PCDHGA7: variants seen among roughly 807,000 people sequenced by gnomAD.
PCDHGA7 encodes the protein protocadherin gamma subfamily A, 7.
A neutral mutation model predicts 58.3 loss-of-function variants in PCDHGA7; 44 were observed. The ratio of observed to expected loss-of-function variants is 0.75; its 90% CI spans 0.59 to 0.97. PCDHGA7 has a LOEUF of 0.97. Among genes scored for constraint, PCDHGA7 ranks in the 50% least tolerant of loss-of-function variants. The pLI is 0.00. For missense variants in PCDHGA7, 1,266 were observed against 1,188.7 expected (o/e 1.06, Z -0.96); for synonymous variants, 516 against 504.2 (o/e 1.02, Z -0.31).
At chr5:141,413,956 G>C in intron 1 of PCDHGA7, 11 of 1,613,484 alleles carry the variant, frequency 6.8e-6, no homozygotes, top group Non-Finnish European at 9.3e-6. Context: ...GAATTTGCCT[G>C]TGGGCACTCA....
chr5:141,418,751 A>G (rs2096284782), intron 1 of PCDHGA7: 2 of 1,613,840 alleles, frequency 1.2e-6, no homozygotes, highest in African/African-American at 2.7e-5. Context: ...GGATTACACT[A>G]CAGGAAACAT....
At chr5:141,390,444 G>A in intron 1 of PCDHGA7, 1 of 870,148 alleles carries the variant, frequency 1.1e-6, no homozygotes, top group South Asian at 1.8e-5. Context: ...TTCTACAAAG[G>A]AGGAGTAAAG....
chr5:141,426,630 T>C, intron 1 of PCDHGA7: 1 of 398,080 alleles, frequency 2.5e-6, no homozygotes, highest in South Asian at 1.8e-5. Context: ...TCTAAATGTT[T>C]TTCACATAAA....
intron 1 of PCDHGA7, chr5:141,390,457 G>T: frequency 1.3e-6 from 1 of 767,062 alleles, no homozygotes; most frequent in South Asian, 1.9e-5. Flanking sequence ...GAGTAAAGTA[G>T]GAGCAATTGT....
chr5:141,389,610 G>T (rs1488136363), intron 1 of PCDHGA7: 1 of 1,613,000 alleles, frequency 6.2e-7, no homozygotes, highest in Admixed American at 1.7e-5. Context: ...CTTCGATATG[G>T]TGCCGCACGC....
At chr5:141,455,330 G>T (rs2098819667) in intron 1 of PCDHGA7, among the ~76,000 whole-genome samples, 1 of 152,042 alleles carries the variant, frequency 6.6e-6, no homozygotes, top group South Asian at 2.1e-4. Context: ...GTGTGTTTGT[G>T]GTTTTAAGGA....
chr5:141,507,554 A>C (rs1384910590), intron 3 of PCDHGA7, among the ~76,000 whole-genome samples: 2 of 152,258 alleles, frequency 1.3e-5, no homozygotes, highest in African/African-American at 4.8e-5. Context: ...TGAAAGTGGC[A>C]GGCGGCTGGG....
At chr5:141,410,839 T>G in intron 1 of PCDHGA7, 2 of 481,442 alleles carry the variant, frequency 4.2e-6, no homozygotes, top group Non-Finnish European at 6.8e-6. Context: ...TGAAGATATT[T>G]TGTCTTTGTC....
At chr5:141,481,077 G>A (rs1251064585) in intron 1 of PCDHGA7, among the ~76,000 whole-genome samples, 5 of 151,906 alleles carry the variant, frequency 3.3e-5, no homozygotes, top group Non-Finnish European at 7.4e-5. Context: ...AAGAAAGAAA[G>A]AAAAAAGAAA....
At position 141,403,597 on chromosome 5, in the gene PCDHGA7, G is replaced by T. The variant is rs772486529; in HGVS notation, c.2424+18274G>T. On this transcript the variant is annotated intron_variant, in intron 1 of 3. Transcript: ENST00000518325. ...CCCACCACCTGGTCCTCACGGCCTC[G>T]GATGGCGGCGAGCCGCGTCGCTCCA... The T allele has an allele frequency of 1.3e-5, 21 of 1,613,692 alleles. No individual in the cohort carries two copies. The African/African-American group carries it at 2.5e-4, about 19-fold the overall frequency.
Position 141,489,322 on chromosome 5 carries a change from T to C in PCDHGA7, c.2425-5485T>C. The C allele has an allele frequency of 6.2e-7, 1 of 1,601,052 alleles. No individual in the cohort carries two copies. Among genetic ancestry groups the C allele is most frequent in the Non-Finnish European group, 8.5e-7 (1 of 1,172,658 alleles). ...GTCCTTGTGCTGCTGGGGCTGGGTGTCTGGGCAGCTTCGTTACTCAGTGGT... is the reference window on the plus strand; with the variant it reads ...GTCCTTGTGCTGCTGGGGCTGGGTGCCTGGGCAGCTTCGTTACTCAGTGGT... On this transcript the variant is annotated intron_variant, in intron 1 of 3. Coordinates refer to ENST00000518325, the MANE Select transcript of PCDHGA7 (RefSeq NM_018920.4). The surrounding 1 kb of genome is among the most constrained non-coding windows in gnomAD (Gnocchi z 4.5).
chr5:141,384,293 A>G lies in PCDHGA7; in HGVS notation c.1394A>G (p.Asn465Ser). Residue 465 changes from asparagine to serine, a missense_variant, in exon 1 of 4, where the codon AAC (asparagine) becomes AGC (serine). Asn to Ser is a conservative substitution (Grantham distance 46, BLOSUM62 1). Coordinates refer to ENST00000518325, the MANE Select transcript of PCDHGA7 (RefSeq NM_018920.4). ...TACTCAGTCTACATCGCTGAGAACA[A>G]CCCCAGAGGGGCCTCCATTTTCTTA... ...SSYSVYIAEN[N>S]PRGASIFLVT... 1 of 1,613,660 alleles carries G rather than the reference A, an allele frequency of 6.2e-7. No homozygotes were observed. The highest frequency in any genetic ancestry group is 8.5e-7 in the Non-Finnish European group (1 of 1,179,846).
chr5:141,389,607 A>G, intron 1 of PCDHGA7: 1 of 1,613,070 alleles, frequency 6.2e-7, no homozygotes, highest in Non-Finnish European at 8.5e-7. Context: ...GCTCTTCGAT[A>G]TGGTGCCGCA....
At chr5:141,465,141 A>AT (rs1341872532) in intron 1 of PCDHGA7, among the ~76,000 whole-genome samples, 2 of 151,678 alleles carry the variant, frequency 1.3e-5, no homozygotes, top group Non-Finnish European at 2.9e-5. Flanking sequence ...AGTTTAGGGG[A>AT]TATATGAAGG....
intron 1 of PCDHGA7, among the ~76,000 whole-genome samples, chr5:141,466,035 C>T (rs10054619): frequency 0.28 from 42,092 of 151,762 alleles, 6,545 homozygotes; most frequent in African/African-American, 0.42. Flanking sequence ...GGCAGGAGAA[C>T]GGCATGAACC....
At chr5:141,415,094 A>G in intron 1 of PCDHGA7, 1 of 1,613,530 alleles carries the variant, frequency 6.2e-7, no homozygotes, top group Non-Finnish European at 8.5e-7. Flanking sequence ...CTGGACAGAG[A>G]CGCGCTCAAG....
At chr5:141,510,056 G>C (rs1450505898) in intron 3 of PCDHGA7, among the ~76,000 whole-genome samples, 2 of 152,174 alleles carry the variant, frequency 1.3e-5, no homozygotes. Flanking sequence ...AAGTGATTGT[G>C]CATGTGAAGC....
intron 1 of PCDHGA7, chr5:141,402,972 G>C: frequency 6.2e-7 from 1 of 1,608,318 alleles, no homozygotes; most frequent in Non-Finnish European, 8.5e-7. Flanking sequence ...CCAACCAAAT[G>C]CCAGCTCCGC....
In PCDHGA7 at chr5:141,383,036, G is replaced by A; in HGVS notation, c.137G>A (p.Gly46Glu). The change falls in exon 1 of 4, where the codon GGA becomes GAA. Residue 46 changes from glycine to glutamate, a missense_variant. Physicochemically the swap from Gly to Glu is moderately conservative, Grantham distance 98 (BLOSUM62 -2). Coordinates refer to ENST00000518325, the MANE Select transcript of PCDHGA7 (RefSeq NM_018920.4). The stretch of plus-strand genomic sequence containing the variant: ...GAGACGGACAAAGGGTCCTTTGTGG[G>A]AGACATCGCCAAGGACCTGGGGCTG... ...SEETDKGSFV[G>E]DIAKDLGLEP... 6.2e-7 allele frequency: 1 copy of A among 1,613,876 alleles called. No individual in the cohort carries two copies. The highest frequency in any genetic ancestry group is 8.5e-7 in the Non-Finnish European group (1 of 1,179,908).
Sources: gnomAD v4.1 joint callset for allele counts (sites outside exome capture counted in the v4.1 genomes callset) on GRCh38, gnomAD v4.1.1 for gene constraint, Gnocchi (gnomAD v3.1) non-coding constraint, MANE v1.5 for transcripts, NCBI Gene and HGNC (gene_info 2026-07-23, HGNC 2026-07-21) for gene names.